NSRP1: variants seen among roughly 807,000 people sequenced by gnomAD.
NSRP1 encodes the protein coiled-coil domain containing 55.
A neutral mutation model predicts 54.7 loss-of-function variants in NSRP1; 24 were observed. The ratio of observed to expected loss-of-function variants is 0.44; its 90% CI spans 0.32 to 0.62. The LOEUF (loss-of-function observed/expected upper bound fraction) is 0.62, where lower values mean the gene tolerates loss of function less well. Among genes scored for constraint, NSRP1 ranks in the 20% least tolerant of loss-of-function variants. The pLI is 0.06. For synonymous variants in NSRP1, 210 were observed against 213.8 expected (o/e 0.98, Z 0.15); for missense variants, 596 against 651.2 (o/e 0.92, Z 0.92).
chr17:30,122,352 CATATATATAT>C lies in NSRP1; in HGVS notation c.114+4204_114+4213del, dbSNP rs1253948305. On this transcript the variant is annotated intron_variant, in intron 2 of 6. Coordinates refer to ENST00000247026, the MANE Select transcript of NSRP1 (RefSeq NM_032141.4). ...CTGGTTCATATGATAACTCTGGTTT[CATATATATAT>C]ATATATATATATATATATATATATT... 140 of 21,574 alleles carry C rather than the reference CATATATATAT, an allele frequency of 6.5e-3. 2 individuals carry two copies. Among genetic ancestry groups the C allele is most frequent in the East Asian group, 0.023 (6 of 260 alleles). The allele number at this position is 21,574 out of a possible 1,614,324, so 1.3% of individuals were successfully genotyped here. A position where few individuals can be genotyped will look rare whatever the true frequency, so the allele number is the denominator to read the frequency against.
intron 2 of NSRP1, among the ~76,000 whole-genome samples, chr17:30,139,292 A>G (rs921688981): frequency 4.6e-5 from 7 of 151,970 alleles, no homozygotes; most frequent in Non-Finnish European, 8.8e-5. Context: ...CGTTATCCAG[A>G]TATATGATAT....
At chr17:30,168,809 A>C (rs1904828574) in intron 2 of NSRP1, 1 of 151,898 alleles carries the variant, frequency 6.6e-6, no homozygotes, top group African/African-American at 2.4e-5. Flanking sequence ...TATTTGTTTA[A>C]ACAGGTTTTT....
rs1166930826 is a variant in NSRP1, at chr17:30,117,313, T to A, written c.20+450T>A. On this transcript the variant is annotated intron_variant, in intron 1 of 6. Transcript: ENST00000247026. ...CCTTCTCGTTTTAGGAATATTGTTCTGAGAAGCCACAGAAAAAGGGTAGGC... is the reference window on the plus strand; with the variant it reads ...CCTTCTCGTTTTAGGAATATTGTTCAGAGAAGCCACAGAAAAAGGGTAGGC... 1.4e-5 allele frequency: 8 copies of A among 571,400 alleles called. 1 individual carries two copies. The highest frequency in any genetic ancestry group is 2.5e-5 in the Non-Finnish European group (8 of 322,340). The allele number at this position is 571,400 out of a possible 1,614,324, so 35.4% of individuals were successfully genotyped here.
Position 30,179,225 on chromosome 17 carries a change from T to A in NSRP1, c.436T>A (p.Ser146Thr), listed in dbSNP as rs1567807283. 3 of 1,611,270 alleles carry A rather than the reference T, an allele frequency of 1.9e-6. No individual in the cohort carries two copies. The highest frequency in any genetic ancestry group is 2.5e-6 in the Non-Finnish European group (3 of 1,178,640). ...EFDDKEAFVT[S>T]AYKKKLQERA... ...TGATGATAAAGAAGCATTTGTGACA[T>A]CTGCATATAAGAAAAAACTGCAAGA... The change falls in exon 5 of 7, where the codon TCT becomes ACT. Residue 146 changes from serine (S) to threonine (T), a missense_variant. By Grantham distance (58) the Ser-to-Thr change is moderately conservative. Coordinates refer to ENST00000247026, the MANE Select transcript of NSRP1 (RefSeq NM_032141.4).
At chr17:30,128,210 A>C (rs912057913) in intron 2 of NSRP1, 2 of 159,400 alleles carry the variant, frequency 1.3e-5, no homozygotes, top group Non-Finnish European at 2.7e-5. Context: ...AAAATTACTC[A>C]GAAGCCATAG....
intron 1 of NSRP1, 148 bp downstream of exon 1, chr17:30,117,011 T>C: frequency 1.0e-6 from 1 of 990,204 alleles, no homozygotes; most frequent in Admixed American, 2.0e-5. Flanking sequence ...CTGAGGAACA[T>C]AGATTCCCCT....
intron 3 of NSRP1, among the ~76,000 whole-genome samples, chr17:30,176,607 C>CT: frequency 1.2e-5 from 1 of 80,696 alleles, no homozygotes; most frequent in Admixed American, 1.2e-4. Flanking sequence ...AAGACTTCGT[C>CT]CCCCCCCCCC....
At chr17:30,182,383 C>G (rs1905337152) in intron 6 of NSRP1, among the ~76,000 whole-genome samples, 2 of 152,310 alleles carry the variant, frequency 1.3e-5, no homozygotes, top group South Asian at 4.1e-4. Context: ...GTGACTCACG[C>G]CTGTTATCCC....
intron 2 of NSRP1, among the ~76,000 whole-genome samples, chr17:30,128,843 A>AT (rs1252796180): frequency 4.6e-5 from 7 of 152,108 alleles, no homozygotes; most frequent in Admixed American, 4.6e-4. Flanking sequence ...TGTTATAGAT[A>AT]AAAGGAAAAA....
chr17:30,148,433 A>G (rs2071876731), intron 2 of NSRP1, among the ~76,000 whole-genome samples: 1 of 152,208 alleles, frequency 6.6e-6, no homozygotes, highest in Non-Finnish European at 1.5e-5. Flanking sequence ...ACATATTGAG[A>G]CTAATGCCCT....
Position 30,185,763 on chromosome 17 carries a change from A to G in NSRP1, c.*89A>G. On this transcript the variant is annotated 3_prime_UTR_variant, in exon 7 of 7. Transcript: ENST00000247026. The stretch of plus-strand genomic sequence containing the variant: ...TAAAACCATAAAGGAGTGTGTTACC[A>G]GTAGTTTGGAGGGCATTTTTAAATT... 24 of 1,325,258 alleles carry G rather than the reference A, an allele frequency of 1.8e-5. No homozygotes were observed. The highest frequency in any genetic ancestry group is 2.3e-5 in the Non-Finnish European group (23 of 983,520). The allele number at this position is 1,325,258 out of a possible 1,614,324, so 82.1% of individuals were successfully genotyped here. A position where few individuals can be genotyped will look rare whatever the true frequency, so the allele number is the denominator to read the frequency against.
chr17:30,133,531 G>C (rs1161191755), intron 2 of NSRP1, among the ~76,000 whole-genome samples: 1 of 152,108 alleles, frequency 6.6e-6, no homozygotes, highest in Non-Finnish European at 1.5e-5. Flanking sequence ...ATAGAGCACA[G>C]GCAAGTAGAT....
At chr17:30,145,796 C>T (rs762243752) in intron 2 of NSRP1, among the ~76,000 whole-genome samples, 1 of 151,904 alleles carries the variant, frequency 6.6e-6, no homozygotes, top group African/African-American at 2.4e-5. Flanking sequence ...TCCGTATATC[C>T]GTGAATCTGC....
At chr17:30,181,610 G>GC (rs1555583860) in intron 6 of NSRP1, among the ~76,000 whole-genome samples, 1 of 111,578 alleles carries the variant, frequency 9.0e-6, no homozygotes, top group African/African-American at 3.2e-5. Flanking sequence ...TTTTTTTTTT[G>GC]TTTTTTTTTT....
intron 2 of NSRP1, among the ~76,000 whole-genome samples, chr17:30,170,363 A>G (rs1384373159): frequency 6.6e-6 from 1 of 152,310 alleles, no homozygotes; most frequent in East Asian, 1.9e-4. Flanking sequence ...TGAATACCAT[A>G]TATAGTACAA....
intron 2 of NSRP1, among the ~76,000 whole-genome samples, chr17:30,134,796 A>T (rs2071733908): frequency 6.6e-6 from 1 of 152,208 alleles, no homozygotes; most frequent in Non-Finnish European, 1.5e-5. Context: ...AAAAAGGGTT[A>T]GTAGGGGACT....
At chr17:30,122,386 T>TATATATATATA (rs1329288159) in intron 2 of NSRP1, 39 of 7,142 alleles carry the variant, frequency 5.5e-3, no homozygotes, top group East Asian at 0.013. Flanking sequence ...TATATATATA[T>TATATATATATA]TTTTTTTTTT....
intron 3 of NSRP1, among the ~76,000 whole-genome samples, chr17:30,174,497 AT>A (rs1383429328): frequency 6.6e-6 from 1 of 152,036 alleles, no homozygotes; most frequent in Non-Finnish European, 1.5e-5. Context: ...ACTTTAAACT[AT>A]TTTTTTCTTC....
intron 5 of NSRP1, among the ~76,000 whole-genome samples, 153 bp downstream of exon 5, chr17:30,179,450 T>C (rs151333471): frequency 6.6e-6 from 1 of 152,354 alleles, no homozygotes; most frequent in African/African-American, 2.4e-5. Flanking sequence ...TGGTATTATA[T>C]AGCAGTATAA....
Sources: gnomAD v4.1 joint callset for allele counts (sites outside exome capture counted in the v4.1 genomes callset) on GRCh38, gnomAD v4.1.1 for gene constraint, MANE v1.5 for transcripts, NCBI Gene and HGNC (gene_info 2026-07-23, HGNC 2026-07-21) for gene names.